ARFIP1: variants seen among roughly 807,000 people sequenced by gnomAD.
The protein encoded by ARFIP1 is arfaptin-1.
A neutral mutation model predicts 42.5 loss-of-function variants in ARFIP1; 24 were observed. The observed-to-expected ratio is 0.57, with a 90% CI of 0.41 to 0.80. The LOEUF is 0.80. ARFIP1 is among the 30% of genes least tolerant of loss of function. The pLI, the probability that ARFIP1 is intolerant of heterozygous loss-of-function variation, is 0.00. For synonymous variants in ARFIP1, 141 were observed against 153.7 expected (o/e 0.92, Z 0.61); for missense variants, 354 against 434.0 (o/e 0.82, Z 1.64).
At chr4:152,796,115 A>T (rs1731454067) in intron 1 of ARFIP1, 5 of 749,398 alleles carry the variant, frequency 6.7e-6, no homozygotes, top group South Asian at 5.5e-5. Context: ...ATTGTTGATA[A>T]CCTGGGCATA....
intron 2 of ARFIP1, among the ~76,000 whole-genome samples, chr4:152,835,827 A>T (rs972192844): frequency 2.0e-5 from 3 of 152,220 alleles, no homozygotes; most frequent in African/African-American, 7.2e-5. Context: ...TGGTACCAAC[A>T]TCTGCTCCTG....
rs1421641018 is a variant in ARFIP1, at chr4:152,898,870, G to A, written c.966+10563G>A. 2.0e-5 allele frequency among the ~76,000 whole-genome samples: 3 copies of A among 152,280 alleles called. No homozygotes were observed. In the East Asian group the frequency reaches 5.8e-4, roughly 29 times the overall value. On this transcript the variant is annotated intron_variant, in intron 8 of 8. Coordinates refer to ENST00000353617, the MANE Select transcript of ARFIP1 (RefSeq NM_001025595.3). ...TCATCTGTTCCCTTCTTGAAGCACA[G>A]CATACTATTACTACTTACAGGCTTT... is the stretch of plus-strand genomic sequence containing the variant.
chr4:152,798,678 G>T (rs1731620964), intron 1 of ARFIP1, among the ~76,000 whole-genome samples: 1 of 151,988 alleles, frequency 6.6e-6, no homozygotes, highest in Non-Finnish European at 1.5e-5. Flanking sequence ...GTAAAAATTT[G>T]TTTCTTTGCA....
rs375158657 is a variant in ARFIP1, at chr4:152,804,090, G to A, written c.-10+23864G>A. On this transcript the variant is annotated intron_variant, in intron 1 of 8. Coordinates refer to ENST00000353617, the MANE Select transcript of ARFIP1 (RefSeq NM_001025595.3). ...TAATATATATTATATATAATATAAC[G>A]TAATATATATTATATATAATATAAC... 1.8e-3 allele frequency among the ~76,000 whole-genome samples: 81 copies of A among 45,930 alleles called. 4 individuals are homozygous for A. Among genetic ancestry groups the A allele is most frequent in the African/African-American group, 5.0e-3 (76 of 15,352 alleles). The allele number at this position is 45,930 out of a possible 152,430, so 30.1% of individuals were successfully genotyped here.
chr4:152,847,106 A>G (rs1732594731), intron 2 of ARFIP1, among the ~76,000 whole-genome samples: 1 of 100,226 alleles, frequency 1.0e-5, no homozygotes. Flanking sequence ...CTCGTATGTT[A>G]ATGTTTTTAG....
At chr4:152,879,130 C>G (rs954098873) in intron 5 of ARFIP1, among the ~76,000 whole-genome samples, 2 of 151,638 alleles carry the variant, frequency 1.3e-5, no homozygotes, top group African/African-American at 4.8e-5. Context: ...CTCACCCGTC[C>G]TGTTATTTGT....
intron 8 of ARFIP1, among the ~76,000 whole-genome samples, chr4:152,890,774 G>A (rs1228526887): frequency 6.6e-6 from 1 of 152,136 alleles, no homozygotes; most frequent in Non-Finnish European, 1.5e-5. Flanking sequence ...GAGTTTGGAT[G>A]AACAGGGTCA....
chr4:152,904,619 G>A (rs372746944), intron 8 of ARFIP1, among the ~76,000 whole-genome samples: 1 of 152,142 alleles, frequency 6.6e-6, no homozygotes, highest in African/African-American at 2.4e-5. Context: ...TCATTGTTCA[G>A]CTCCCACTTA....
Position 152,903,149 on chromosome 4 carries a change from A to G in ARFIP1, c.967-6915A>G, listed in dbSNP as rs559983691. Among the ~76,000 whole-genome samples the G allele has an allele frequency of 2.8e-3, 427 of 152,322 alleles. 4 individuals are homozygous for G. Among genetic ancestry groups the G allele is most frequent in the African/African-American group, 1.0e-2 (415 of 41,570 alleles). On this transcript the variant is annotated intron_variant, in intron 8 of 8. Coordinates refer to ENST00000353617, the MANE Select transcript of ARFIP1 (RefSeq NM_001025595.3). ...GAATGGCATTGAGGACATTATACACATGCATATCATAGTACAAATTAGTTA... is the reference window on the plus strand; with the variant it reads ...GAATGGCATTGAGGACATTATACACGTGCATATCATAGTACAAATTAGTTA...
At chr4:152,880,845 A>G (rs572072790) in intron 5 of ARFIP1, 118 bp from the exon 6 acceptor site, 9 of 740,172 alleles carry the variant, frequency 1.2e-5, no homozygotes, top group East Asian at 7.6e-5. Context: ...GGAGCTGACA[A>G]TTTTCAGTTT....
chr4:152,882,294 AAC>A (rs1236544708), intron 6 of ARFIP1, among the ~76,000 whole-genome samples: 2 of 146,020 alleles, frequency 1.4e-5, no homozygotes, highest in African/African-American at 5.2e-5. Context: ...AATCAGTCAA[AAC>A]ACAAAAAAAA....
At chr4:152,905,721 T>A (rs1305801321) in intron 8 of ARFIP1, among the ~76,000 whole-genome samples, 3 of 151,444 alleles carry the variant, frequency 2.0e-5, no homozygotes, top group Non-Finnish European at 4.4e-5. Flanking sequence ...CCTGGCTAAT[T>A]TTTATATTTT....
At chr4:152,840,713 C>CTTTTTTT (rs764318893) in intron 2 of ARFIP1, among the ~76,000 whole-genome samples, 19 of 107,786 alleles carry the variant, frequency 1.8e-4, no homozygotes, top group East Asian at 8.7e-4. Context: ...GGCTCTGTAT[C>CTTTTTTT]TTTTTTTTTT....
At chr4:152,798,008 A>G (rs10028568) in intron 1 of ARFIP1, among the ~76,000 whole-genome samples, 20,926 of 152,224 alleles carry the variant, frequency 0.14, 1,526 homozygotes, top group African/African-American at 0.18. Context: ...CTGTAATCCT[A>G]GCACTTTGGG....
At chr4:152,860,504 C>T (rs1459602261) in intron 2 of ARFIP1, among the ~76,000 whole-genome samples, 1 of 152,172 alleles carries the variant, frequency 6.6e-6, no homozygotes, top group Non-Finnish European at 1.5e-5. Context: ...AAAAAGCATA[C>T]TAAAATGCAA....
Position 152,804,478 on chromosome 4 carries a change from T to TATATAATATATATA in ARFIP1, c.-10+24257_-10+24258insATATATATAATATA, listed in dbSNP as rs1175828406. Among the ~76,000 whole-genome samples, 117 of 106,876 alleles carry TATATAATATATATA rather than the reference T, an allele frequency of 1.1e-3. 2 individuals are homozygous for TATATAATATATATA. Among genetic ancestry groups the TATATAATATATATA allele is most frequent in the African/African-American group, 3.8e-3 (112 of 29,742 alleles). The allele number at this position is 106,876 out of a possible 152,430, so 70.1% of individuals were successfully genotyped here. A position where few individuals can be genotyped will look rare whatever the true frequency, so the allele number is the denominator to read the frequency against. ...TATATATAATATATAATATATATAA[T>TATATAATATATATA]ATATATTATTTATATATATATAATA... On this transcript the variant is annotated intron_variant, in intron 1 of 8. Coordinates refer to ENST00000353617, the MANE Select transcript of ARFIP1 (RefSeq NM_001025595.3).
At chr4:152,830,183 G>C (rs1731158146) in intron 2 of ARFIP1, among the ~76,000 whole-genome samples, 1 of 152,046 alleles carries the variant, frequency 6.6e-6, no homozygotes, top group Non-Finnish European at 1.5e-5. Flanking sequence ...ATTTTGATCT[G>C]TCTCTCAGTC....
intron 3 of ARFIP1, among the ~76,000 whole-genome samples, 189 bp downstream of exon 3, chr4:152,863,903 C>T (rs1451556096): frequency 6.6e-6 from 1 of 152,048 alleles, no homozygotes; most frequent in Non-Finnish European, 1.5e-5. Flanking sequence ...TTTATATAAA[C>T]AGATCAATGT....
chr4:152,909,123 G>A (rs373197165), intron 8 of ARFIP1, among the ~76,000 whole-genome samples: 20 of 152,074 alleles, frequency 1.3e-4, no homozygotes, highest in African/African-American at 3.4e-4. Context: ...GGTGGCTTAC[G>A]CCTGTAATCC....
Sources: allele counts gnomAD v4.1 joint callset (sites outside exome capture counted in the v4.1 genomes callset), GRCh38; gene constraint gnomAD v4.1.1; transcripts MANE v1.5; gene names NCBI Gene and HGNC (gene_info 2026-07-23, HGNC 2026-07-21).